USP43: variants seen among roughly 807,000 people sequenced by gnomAD.
USP43 encodes ubiquitin specific peptidase 43, also known as ubiquitin carboxyl-terminal hydrolase 43.
A neutral mutation model predicts 90.7 loss-of-function variants in USP43; 33 were observed. That is an observed-to-expected ratio of 0.36 (90% CI 0.28 to 0.49). The LOEUF (loss-of-function observed/expected upper bound fraction) is 0.49, where lower values mean the gene tolerates loss of function less well. Among genes scored for constraint, USP43 ranks in the 20% least tolerant of loss-of-function variants. The probability of loss-of-function intolerance (pLI) is 0.98; values close to 1 mark genes in which losing one functional copy is unlikely to be tolerated. For missense variants in USP43, 1,274 were observed against 1,476.4 expected, an observed-to-expected ratio of 0.86 and a Z score of 2.25; for synonymous variants, 598 against 615.8, an observed-to-expected ratio of 0.97 and a Z score of 0.43.
intron 14 of USP43, among the ~76,000 whole-genome samples, chr17:9,720,781 C>T (rs1211610088): frequency 6.6e-6 from 1 of 152,176 alleles, no homozygotes; most frequent in African/African-American, 2.4e-5. Context: ...AGCCACCACG[C>T]CCAGCCGGGT....
intron 9 of USP43, among the ~76,000 whole-genome samples, chr17:9,695,368 C>T (rs566717903): frequency 6.6e-6 from 1 of 152,044 alleles, no homozygotes; most frequent in South Asian, 2.1e-4. Flanking sequence ...GAGTCTCACT[C>T]TGTTACCTAG....
upstream of USP43, chr17:9,645,451 T>C (rs1911294241): frequency 2.2e-6 from 1 of 454,248 alleles, no homozygotes; most frequent in Non-Finnish European, 3.2e-6. The surrounding 1 kb of genome is among the most constrained non-coding windows in gnomAD (Gnocchi z 6.8). Context: ...GGGCTGGTCG[T>C]GCCGCCGGAT....
intron 1 of USP43, among the ~76,000 whole-genome samples, chr17:9,648,561 G>A (rs1341196980): frequency 6.6e-6 from 1 of 152,152 alleles, no homozygotes; most frequent in African/African-American, 2.4e-5. Context: ...TGATTGGATT[G>A]GGGGAGATCC....
intron 12 of USP43, among the ~76,000 whole-genome samples, chr17:9,703,137 G>A (rs1358996833): frequency 6.6e-6 from 1 of 151,990 alleles, no homozygotes; most frequent in Admixed American, 6.6e-5. Context: ...GGAATCCCTT[G>A]AGGCCCATAT....
rs370915160 is a variant in USP43, at chr17:9,728,459, G to A, written c.2841G>A (p.Pro947=). 4.2e-5 allele frequency: 67 copies of A among 1,613,064 alleles called. No individual in the cohort carries two copies. The highest frequency in any genetic ancestry group is 1.6e-4 in the Middle Eastern group (1 of 6,084). The change falls in exon 15 of 15, where the codon CCG becomes CCA. Residue 947 remains proline (P), a synonymous_variant. Coordinates refer to ENST00000285199, the MANE Select transcript of USP43 (RefSeq NM_153210.5). This position sits in a 1 kb window ranked among gnomAD's most constrained non-coding sequence, Gnocchi z 6.2. The part of the protein sequence containing the change: ...PSVEHEKPAR[P]EGQKAMNWKE... The stretch of plus-strand genomic sequence containing the variant: ...TGGAGCATGAGAAACCAGCTCGACC[G>A]GAGGGCCAGAAGGCCATGAACTGGA...
intron 2 of USP43, among the ~76,000 whole-genome samples, chr17:9,661,516 C>T (rs1478490958): frequency 1.3e-5 from 2 of 152,114 alleles, no homozygotes; most frequent in East Asian, 1.9e-4. Context: ...TGCACCACCA[C>T]ACCTGCTTAA....
In USP43 at chr17:9,681,173, C is replaced by A. The variant is rs868607292; in HGVS notation, c.1105+807C>A. ...TATAATATATACTATATAATATATA[C>A]TATATAATATACTATATAATATATA... On this transcript the variant is annotated intron_variant, in intron 6 of 14. Transcript: ENST00000285199. 4.3e-3 allele frequency among the ~76,000 whole-genome samples: 286 copies of A among 65,988 alleles called. 19 individuals are homozygous for A. Among genetic ancestry groups the A allele is most frequent in the South Asian group, 6.9e-3 (14 of 2,024 alleles). 43.3% of individuals were successfully genotyped at this position (65,988 alleles called of 152,430 possible).
intron 2 of USP43, among the ~76,000 whole-genome samples, chr17:9,661,498 T>C (rs1434916393): frequency 6.6e-6 from 1 of 152,232 alleles, no homozygotes; most frequent in Admixed American, 6.5e-5. Flanking sequence ...TAGCTGTGAC[T>C]ACAGGGATGC....
In USP43 at chr17:9,728,722, A is replaced by G; in HGVS notation, c.3104A>G (p.Asp1035Gly). The stretch of plus-strand genomic sequence containing the variant: ...AGTGGCGGGCTGAGCCCTGCCATGG[A>G]CGGGCAGGCTCCAGGCTCACCTCCT... ...LVSGGLSPAM[D>G]GQAPGSPPAL... The change falls in exon 15 of 15, where the codon GAC (aspartate) becomes GGC (glycine). Residue 1035 changes from aspartate (D) to glycine (G), a missense_variant. Transcript: ENST00000285199. The surrounding 1 kb of genome is among the most constrained non-coding windows in gnomAD (Gnocchi z 6.2). The G allele has an allele frequency of 1.9e-6, 3 of 1,601,788 alleles. No individual in the cohort carries two copies. The highest frequency in any genetic ancestry group is 1.3e-5 in the African/African-American group (1 of 74,752).
intron 12 of USP43, among the ~76,000 whole-genome samples, chr17:9,706,631 ATTTTTTTTTTTTT>A (rs34165346): frequency 1.0e-3 from 88 of 84,472 alleles, no homozygotes; most frequent in African/African-American, 3.9e-3. Flanking sequence ...TCAGATATTA[ATTTTTTTTTTTTT>A]TTTTTTTTTT....
intron 12 of USP43, among the ~76,000 whole-genome samples, chr17:9,708,573 G>A (rs1916014671): frequency 6.6e-6 from 1 of 152,212 alleles, no homozygotes; most frequent in African/African-American, 2.4e-5. Flanking sequence ...GGATTAGTGT[G>A]GAGGTCAGCA....
At chr17:9,693,794 C>T (rs1597860777) in intron 9 of USP43, among the ~76,000 whole-genome samples, 1 of 152,108 alleles carries the variant, frequency 6.6e-6, no homozygotes, top group African/African-American at 2.4e-5. Flanking sequence ...GCCGAGATCG[C>T]GCCACTGCAC....
intron 2 of USP43, among the ~76,000 whole-genome samples, chr17:9,664,839 G>T (rs932645112): frequency 6.6e-6 from 1 of 152,060 alleles, no homozygotes; most frequent in African/African-American, 2.4e-5. Context: ...GGGTTTCACC[G>T]TGTTAGCCAG....
chr17:9,715,454 A>G (rs897894995), intron 14 of USP43, among the ~76,000 whole-genome samples: 4 of 152,184 alleles, frequency 2.6e-5, no homozygotes, highest in African/African-American at 9.7e-5. Flanking sequence ...CCTTGTCTCA[A>G]AAAAACAAAC....
At position 9,647,623 on chromosome 17, in the gene USP43, G is replaced by A. The variant is rs1370235567; in HGVS notation, c.504+1487G>A. The A allele has an allele frequency of 1.3e-5, 2 of 152,074 alleles. 1 individual carries two copies. Among genetic ancestry groups the A allele is most frequent in the African/African-American group, 4.8e-5 (2 of 41,390 alleles). The allele number at this position is 152,074 out of a possible 1,614,324, so 9.4% of individuals were successfully genotyped here. The stretch of plus-strand genomic sequence containing the variant: ...CCTGCAGAAACCTAGAGCAGGGAGG[G>A]AGGTAATCTTTATGTACATTTTCTC... On this transcript the variant is annotated intron_variant, in intron 1 of 14. Transcript: ENST00000285199.
rs1166928609 is a variant in USP43 at position 9,645,845 on chromosome 17, C to A, written c.213C>A (p.Ala71=). The change falls in exon 1 of 15, where the codon GCC becomes GCA. Residue 71 remains alanine (A), a synonymous_variant. Coordinates refer to ENST00000285199, the MANE Select transcript of USP43 (RefSeq NM_153210.5). This position sits in a 1 kb window ranked among gnomAD's most constrained non-coding sequence, Gnocchi z 6.8. Reference sequence around the variant, plus strand: ...GCGCCCCGGGCCCAGTTCCAGCGGCCCCCGGGAGCCCCGGGGAGGAACGCC... The same window carrying A: ...GCGCCCCGGGCCCAGTTCCAGCGGCACCCGGGAGCCCCGGGGAGGAACGCC... ...FACAPGPVPA[A]PGSPGEERPP... 3.6e-6 allele frequency: 5 copies of A among 1,406,764 alleles called. No individual in the cohort carries two copies. The highest frequency in any genetic ancestry group is 4.6e-6 in the Non-Finnish European group (5 of 1,086,654). 87.1% of individuals were successfully genotyped at this position (1,406,764 alleles called of 1,614,324 possible). A position where few individuals can be genotyped will look rare whatever the true frequency, so the allele number is the denominator to read the frequency against.
At chr17:9,691,805 T>A (rs1914970094) in intron 8 of USP43, among the ~76,000 whole-genome samples, 1 of 151,916 alleles carries the variant, frequency 6.6e-6, no homozygotes, top group Admixed American at 6.6e-5. Flanking sequence ...TCCCAGCACT[T>A]TGGGAGGCCA....
chr17:9,712,789 GT>G (rs943299452), intron 14 of USP43, among the ~76,000 whole-genome samples: 2 of 59,722 alleles, frequency 3.3e-5, no homozygotes, highest in African/African-American at 6.4e-4. Context: ...AGGTGTTTTT[GT>G]TTGTTTGTTT....
chr17:9,688,964 C>T (rs970679875), intron 8 of USP43, among the ~76,000 whole-genome samples: 1 of 152,160 alleles, frequency 6.6e-6, no homozygotes, highest in African/African-American at 2.4e-5. Context: ...GTTGGGATTA[C>T]AGGTGTGAGC....
Sources: allele counts gnomAD v4.1 joint callset (sites outside exome capture counted in the v4.1 genomes callset), GRCh38; gene constraint gnomAD v4.1.1; non-coding constraint Gnocchi (gnomAD v3.1); transcripts MANE v1.5; gene names NCBI Gene and HGNC (gene_info 2026-07-23, HGNC 2026-07-21).